PRKCE: variants seen among roughly 807,000 people sequenced by gnomAD.
The protein encoded by PRKCE is protein kinase C epsilon type.
Under a neutral mutation model 85.4 loss-of-function variants are expected in PRKCE, and 16 were observed. The ratio of observed to expected loss-of-function variants is 0.19; its 90% CI spans 0.13 to 0.28. PRKCE has a LOEUF of 0.28. PRKCE is among the 10% of genes least tolerant of loss of function. PRKCE has a pLI of 1.00. For synonymous variants in PRKCE, 388 were observed against 371.5 expected, an observed-to-expected ratio of 1.04 and a Z score of -0.51; for missense variants, 573 against 975.2, an observed-to-expected ratio of 0.59 and a Z score of 5.49.
At chr2:45,713,635 T>G (rs1679848580) in intron 1 of PRKCE, among the ~76,000 whole-genome samples, 1 of 152,192 alleles carries the variant, frequency 6.6e-6, no homozygotes, top group South Asian at 2.1e-4. Flanking sequence ...GTTTTTAGGT[T>G]GAGGAGTTAA....
chr2:45,905,793 C>CTGAACT lies in PRKCE; in HGVS notation c.412+62731_412+62736dup, dbSNP rs1241990331. On this transcript the variant is annotated intron_variant, in intron 2 of 14. Transcript: ENST00000306156. This position sits in a 1 kb window ranked among gnomAD's most constrained non-coding sequence, Gnocchi z 4.4. ...ATAGTCCCTGAACACACGTGTTGAC[C>CTGAACT]TGAACTGCTTACTCAACTCTGTACT... is the stretch of plus-strand genomic sequence containing the variant. Among the ~76,000 whole-genome samples the CTGAACT allele has an allele frequency of 1.3e-5, 2 of 152,198 alleles. No individual in the cohort carries two copies. Among genetic ancestry groups the CTGAACT allele is most frequent in the East Asian group, 3.8e-4 (2 of 5,204 alleles).
chr2:45,727,142 G>A lies in PRKCE; in HGVS notation c.348+74694G>A, dbSNP rs937786411. 1.2e-4 allele frequency among the ~76,000 whole-genome samples: 19 copies of A among 152,192 alleles called. No individual in the cohort carries two copies. In the East Asian group the frequency reaches 3.5e-3, roughly 28 times the overall value. On this transcript the variant is annotated intron_variant, in intron 1 of 14. Transcript: ENST00000306156. ...AAGGTGAAGTTAATTTTATGTGATG[G>A]GGCAGAGTTAATCCTTGTTAGGCAA...
At chr2:46,037,349 C>G (rs139095341) in intron 10 of PRKCE, among the ~76,000 whole-genome samples, 2 of 152,348 alleles carry the variant, frequency 1.3e-5, no homozygotes, top group Non-Finnish European at 2.9e-5. Context: ...CAAGCAAAGT[C>G]TCAGCCTCGC....
chr2:45,868,957 CAAAA>C (rs58698207), intron 2 of PRKCE, among the ~76,000 whole-genome samples: 12 of 112,082 alleles, frequency 1.1e-4, no homozygotes, highest in East Asian at 4.8e-4. Context: ...CATCCTGTCT[CAAAA>C]AAAAAAAAAA....
At chr2:46,146,295 C>T (rs1676063595) in intron 12 of PRKCE, among the ~76,000 whole-genome samples, 2 of 152,360 alleles carry the variant, frequency 1.3e-5, no homozygotes, top group South Asian at 4.1e-4. Context: ...CACTAAACAT[C>T]GCCCATGGCG....
intron 1 of PRKCE, among the ~76,000 whole-genome samples, chr2:45,705,888 G>A (rs908179025): frequency 7.9e-5 from 12 of 152,138 alleles, no homozygotes; most frequent in Non-Finnish European, 1.6e-4. Flanking sequence ...TTGGGACCTG[G>A]GGTCTTTCTG....
chr2:45,806,502 G>A (rs1688254029), intron 1 of PRKCE, among the ~76,000 whole-genome samples: 1 of 152,172 alleles, frequency 6.6e-6, no homozygotes, highest in African/African-American at 2.4e-5. Context: ...CGTTCACATT[G>A]TTGTGCAGCC....
At chr2:45,893,336 GTCTTT>G (rs1342785802) in intron 2 of PRKCE, among the ~76,000 whole-genome samples, 12 of 145,880 alleles carry the variant, frequency 8.2e-5, no homozygotes, top group African/African-American at 2.3e-4. Context: ...CCTGGCTCAT[GTCTTT>G]TCTTTTCTTT....
At chr2:46,070,055 T>C (rs1410584967) in intron 10 of PRKCE, among the ~76,000 whole-genome samples, 2 of 152,204 alleles carry the variant, frequency 1.3e-5, no homozygotes, top group Non-Finnish European at 2.9e-5. Context: ...GGACCTCTTC[T>C]CTCTTACTGA....
At chr2:45,845,558 A>G (rs1691716493) in intron 2 of PRKCE, 4 of 152,172 alleles carry the variant, frequency 2.6e-5, no homozygotes, top group South Asian at 2.1e-4. Flanking sequence ...GGAATTGCAC[A>G]AAGTTTACAA....
chr2:45,815,771 A>G lies in PRKCE; in HGVS notation c.349-27229A>G, dbSNP rs138313828. Among the ~76,000 whole-genome samples the G allele has an allele frequency of 4.2e-3, 635 of 152,332 alleles. 4 individuals carry two copies. Among genetic ancestry groups the G allele is most frequent in the African/African-American group, 0.015 (610 of 41,560 alleles). On this transcript the variant is annotated intron_variant, in intron 1 of 14. Coordinates refer to ENST00000306156, the MANE Select transcript of PRKCE (RefSeq NM_005400.3). ...AGGAATGACATGGATCTAGAGTGGA[A>G]AATCACTACTTCTAGTAACTCCTCC...
At chr2:45,793,192 G>T (rs1466794089) in intron 1 of PRKCE, among the ~76,000 whole-genome samples, 1 of 152,210 alleles carries the variant, frequency 6.6e-6, no homozygotes, top group Admixed American at 6.5e-5. Flanking sequence ...AAAGCTCTTT[G>T]CTGACTGAGA....
chr2:46,061,859 CTTTTTT>C (rs10695600), intron 10 of PRKCE, among the ~76,000 whole-genome samples: 5 of 107,748 alleles, frequency 4.6e-5, no homozygotes, highest in Admixed American at 9.6e-5. Flanking sequence ...TTTTCTTTTT[CTTTTTT>C]TTTTTTTTTT....
At chr2:45,746,510 T>C (rs1683148223) in intron 1 of PRKCE, among the ~76,000 whole-genome samples, 1 of 152,224 alleles carries the variant, frequency 6.6e-6, no homozygotes, top group Non-Finnish European at 1.5e-5. Flanking sequence ...CCATTCCCTA[T>C]TCTGTAGCTG....
Position 45,718,220 on chromosome 2 carries a change from C to G in PRKCE, c.348+65772C>G, listed in dbSNP as rs75560550. Among the ~76,000 whole-genome samples the G allele has an allele frequency of 8.0e-3, 1,219 of 152,196 alleles. 19 individuals carry two copies. Among genetic ancestry groups the G allele is most frequent in the African/African-American group, 0.028 (1,161 of 41,508 alleles). ...TCTCAGTTGTGACAACCACAAATGT[C>G]TTTAGACATTACCAAATGTCCCCTG... On this transcript the variant is annotated intron_variant, in intron 1 of 14. Coordinates refer to ENST00000306156, the MANE Select transcript of PRKCE (RefSeq NM_005400.3).
intron 1 of PRKCE, chr2:45,677,979 T>G (rs1209434805): frequency 5.0e-6 from 4 of 797,310 alleles, no homozygotes; most frequent in Admixed American, 1.2e-4. Flanking sequence ...AATATCAACT[T>G]GATTTTACAT....
intron 1 of PRKCE, among the ~76,000 whole-genome samples, chr2:45,840,977 A>G (rs1453638575): frequency 6.6e-6 from 1 of 152,166 alleles, no homozygotes; most frequent in East Asian, 1.9e-4. Context: ...GAATGTTCCC[A>G]GAATAGACTC....
chr2:45,680,590 C>T (rs1676811478), intron 1 of PRKCE, among the ~76,000 whole-genome samples: 1 of 152,190 alleles, frequency 6.6e-6, no homozygotes, highest in South Asian at 2.1e-4. Flanking sequence ...TGATAAAGGC[C>T]AGCCGACTTC....
intron 10 of PRKCE, among the ~76,000 whole-genome samples, chr2:46,025,273 C>T (rs115909876): frequency 6.6e-6 from 1 of 152,196 alleles, no homozygotes; most frequent in African/African-American, 2.4e-5. Context: ...TGTGCAGGAG[C>T]AGTACCAGGG....
Sources: allele counts gnomAD v4.1 joint callset (sites outside exome capture counted in the v4.1 genomes callset), GRCh38; gene constraint gnomAD v4.1.1; non-coding constraint Gnocchi (gnomAD v3.1); transcripts MANE v1.5; gene names NCBI Gene and HGNC (gene_info 2026-07-23, HGNC 2026-07-21).